The following LYG1 variants were observed in gnomAD, a reference collection of about 807,000 sequenced individuals.
The protein encoded by LYG1 is lysozyme g1, also known as lysozyme g-like protein 1.
A neutral mutation model predicts 21.7 loss-of-function variants in LYG1; 17 were observed. The observed-to-expected ratio is 0.78, with a 90% CI of 0.54 to 1.18. LYG1 has a LOEUF of 1.18. Ranked by LOEUF, LYG1 falls within the 50% of genes most tolerant of loss-of-function variation. The probability of loss-of-function intolerance (pLI) is 0.00; values close to 1 mark genes in which losing one functional copy is unlikely to be tolerated. For missense variants in LYG1, 211 were observed against 238.1 expected, an observed-to-expected ratio of 0.89 and a Z score of 0.75; for synonymous variants, 81 against 87.4, an observed-to-expected ratio of 0.93 and a Z score of 0.41.
At chr2:99,301,439 G>A (rs1451852941), upstream of LYG1, among the ~76,000 whole-genome samples, 1 of 146,450 alleles carries the variant, frequency 6.8e-6, no homozygotes, top group Non-Finnish European at 1.5e-5. Flanking sequence ...GAGAGAGTGA[G>A]AAGGGGAAGG....
Position 99,297,295 on chromosome 2 carries a change from AACC to A in LYG1, c.-33+1161_-33+1163del, listed in dbSNP as rs763543144. 3.9e-4 allele frequency among the ~76,000 whole-genome samples: 59 copies of A among 152,330 alleles called. 1 individual carries two copies. Among genetic ancestry groups the A allele is most frequent in the Middle Eastern group, 6.8e-3 (2 of 294 alleles). On this transcript the variant is annotated intron_variant, in intron 2 of 6. Coordinates refer to ENST00000308528, the MANE Select transcript of LYG1 (RefSeq NM_174898.3). ...CCTCCAGCAGTAAACAAGAGAGGAC[AACC>A]AATCCCAGGAGAAAAGAATGGACAA...
In LYG1 at chr2:99,290,712, C is replaced by T. The variant is rs1029871295; in HGVS notation, c.333+525G>A. ...TCTCTATCTGGCAAGTGACACCAGA[C>T]GGAATTCATGCAAAAATAAAACTCA... On this transcript the variant is annotated intron_variant, in intron 5 of 6. Transcript: ENST00000308528. Among the ~76,000 whole-genome samples the T allele has an allele frequency of 7.2e-5, 11 of 152,030 alleles. No individual in the cohort carries two copies. In the East Asian group the frequency reaches 7.7e-4, roughly 11 times the overall value.
At chr2:99,288,674 T>C (rs2094109484) in intron 5 of LYG1, among the ~76,000 whole-genome samples, 1 of 152,190 alleles carries the variant, frequency 6.6e-6, no homozygotes. Flanking sequence ...GCTCCAGCGA[T>C]TCTCCTGCCT....
At chr2:99,298,022 C>A (rs1574889594) in intron 2 of LYG1, among the ~76,000 whole-genome samples, 1 of 152,176 alleles carries the variant, frequency 6.6e-6, no homozygotes, top group Non-Finnish European at 1.5e-5. Context: ...GCTTGGAATT[C>A]TTAAATGGAT....
chr2:99,288,804 A>C (rs1381926990), intron 5 of LYG1, among the ~76,000 whole-genome samples: 2 of 152,112 alleles, frequency 1.3e-5, no homozygotes, highest in African/African-American at 4.8e-5. Context: ...TCCTGACCTC[A>C]AATGATCCAT....
intron 2 of LYG1, among the ~76,000 whole-genome samples, chr2:99,296,957 G>T (rs930748047): frequency 1.3e-5 from 2 of 152,134 alleles, no homozygotes; most frequent in East Asian, 3.9e-4. Context: ...GGTCAAGGGT[G>T]CAGTGAGCTA....
At chr2:99,292,086 A>G (rs529451193) in intron 4 of LYG1, among the ~76,000 whole-genome samples, 157 of 152,244 alleles carry the variant, frequency 1.0e-3, no homozygotes, top group Non-Finnish European at 1.8e-3. Context: ...CAGGAGTTCG[A>G]GACCAGCCTG....
chr2:99,288,980 C>T (rs1359651113), intron 5 of LYG1, among the ~76,000 whole-genome samples: 1 of 152,142 alleles, frequency 6.6e-6, no homozygotes, highest in Non-Finnish European at 1.5e-5. Flanking sequence ...AACCTATACC[C>T]TGGGTTTTAC....
Position 99,284,798 on chromosome 2 carries a change from G to A in LYG1, c.356C>T (p.Thr119Ile), listed in dbSNP as rs762161450. Residue 119 changes from threonine to isoleucine, a missense_variant, in exon 6 of 7, where the codon ACA (threonine) becomes ATA (isoleucine). Thr to Ile is a moderately conservative substitution (Grantham distance 89). Coordinates refer to ENST00000308528, the MANE Select transcript of LYG1 (RefSeq NM_174898.3). Reference protein sequence around the residue: ...MVQDPGSQAPTSWISESQVSQ... With the variant: ...MVQDPGSQAPISWISESQVSQ... ...AACCTGAGACTCACTAATCCAGGAT[G>A]TGGGAGCTTGAGAGCCAGGGTCCTG... 1.2e-6 allele frequency: 2 copies of A among 1,613,060 alleles called. No homozygotes were observed. Among genetic ancestry groups the A allele is most frequent in the African/African-American group, 1.3e-5 (1 of 74,884 alleles).
chr2:99,294,760 A>G (rs2094131458), intron 3 of LYG1, among the ~76,000 whole-genome samples: 2 of 152,196 alleles, frequency 1.3e-5, no homozygotes, highest in African/African-American at 4.8e-5. Flanking sequence ...AATCTATTAA[A>G]TTTAGAGTCA....
intron 3 of LYG1, among the ~76,000 whole-genome samples, chr2:99,295,190 TA>T (rs2094132979): frequency 6.6e-6 from 1 of 152,214 alleles, no homozygotes; most frequent in Non-Finnish European, 1.5e-5. Context: ...TCACAGCAAC[TA>T]AATCAGCCTC....
chr2:99,284,905 T>C (rs1199324793), intron 5 of LYG1, 85 bp from the exon 6 acceptor site: 8 of 1,519,414 alleles, frequency 5.3e-6, no homozygotes, highest in Non-Finnish European at 6.3e-6. Flanking sequence ...GCTTGTTCAT[T>C]TCCTGTCTCT....
intron 5 of LYG1, among the ~76,000 whole-genome samples, chr2:99,289,049 A>AT (rs2094110815): frequency 6.6e-6 from 1 of 152,166 alleles, no homozygotes; most frequent in East Asian, 1.9e-4. Flanking sequence ...ATTTATTAGA[A>AT]TTGCAGAACT....
intron 4 of LYG1, among the ~76,000 whole-genome samples, chr2:99,291,962 A>G (rs1484432698): frequency 2.0e-5 from 3 of 152,210 alleles, no homozygotes; most frequent in African/African-American, 4.8e-5. Flanking sequence ...CTACTTAGCT[A>G]GCCTTACCTT....
chr2:99,284,784 C>T lies in LYG1; in HGVS notation c.370G>A (p.Glu124Lys). The T allele has an allele frequency of 6.2e-7, 1 of 1,613,518 alleles. No homozygotes were observed. Among genetic ancestry groups the T allele is most frequent in the Non-Finnish European group, 8.5e-7 (1 of 1,179,978 alleles). ...GSQAPTSWIS[E>K]SQVSQTTEVL... ...TCAGTTGTCTGGGAAACCTGAGACT[C>T]ACTAATCCAGGATGTGGGAGCTTGA... is the stretch of plus-strand genomic sequence containing the variant. The change falls in exon 6 of 7, where the codon GAG becomes AAG. Residue 124 changes from glutamate (E) to lysine (K), a missense_variant. Coordinates refer to ENST00000308528, the MANE Select transcript of LYG1 (RefSeq NM_174898.3).
upstream of LYG1, among the ~76,000 whole-genome samples, chr2:99,302,700 C>T (rs1383092035): frequency 1.3e-5 from 2 of 152,104 alleles, no homozygotes; most frequent in Admixed American, 1.3e-4. Flanking sequence ...TCTGCATCCC[C>T]AGTGCAGACA....
intron 3 of LYG1, among the ~76,000 whole-genome samples, 182 bp downstream of exon 3, chr2:99,295,445 CT>C (rs1478371129): frequency 6.6e-6 from 1 of 152,192 alleles, no homozygotes; most frequent in Non-Finnish European, 1.5e-5. Flanking sequence ...GAACCCCAAT[CT>C]TTTGTGGGAC....
chr2:99,294,371 C>CTAA, intron 3 of LYG1, among the ~76,000 whole-genome samples: 1 of 152,222 alleles, frequency 6.6e-6, no homozygotes. Flanking sequence ...TTTCTTAGAA[C>CTAA]TTTATGGGGT....
chr2:99,299,988 A>C (rs1409078895), intron 1 of LYG1, among the ~76,000 whole-genome samples: 1 of 152,034 alleles, frequency 6.6e-6, no homozygotes, highest in Non-Finnish European at 1.5e-5. Context: ...ATTGCCTCAC[A>C]GATTGCTATG....
Sources: gnomAD v4.1 joint callset for allele counts (sites outside exome capture counted in the v4.1 genomes callset) on GRCh38, gnomAD v4.1.1 for gene constraint, MANE v1.5 for transcripts, NCBI Gene and HGNC (gene_info 2026-07-23, HGNC 2026-07-21) for gene names.